Variants in MAGI2 observed in about 807,000 individuals in gnomAD.
MAGI2 encodes membrane associated guanylate kinase, WW and PDZ domain containing 2, also known as membrane-associated guanylate kinase, WW and PDZ domain-containing protein 2.
Under a neutral mutation model 133.3 loss-of-function variants are expected in MAGI2, and 35 were observed. The ratio of observed to expected loss-of-function variants is 0.26; its 90% confidence interval spans 0.20 to 0.35. The LOEUF is 0.35. MAGI2 is among the 10% of genes least tolerant of loss of function. MAGI2 has a pLI of 1.00. For synonymous variants in MAGI2, 729 were observed against 710.6 expected, an observed-to-expected ratio of 1.03 and a Z score of -0.41; for missense variants, 1,636 against 1,863.4, an observed-to-expected ratio of 0.88 and a Z score of 2.25.
chr7:79,169,301 G>GA (rs1240229711), intron 1 of MAGI2, among the ~76,000 whole-genome samples: 1 of 151,888 alleles, frequency 6.6e-6, no homozygotes, highest in Admixed American at 6.6e-5. Flanking sequence ...AATAGAATTA[G>GA]AAAAAAATCA....
chr7:79,207,432 G>A (rs1829146874), intron 1 of MAGI2, among the ~76,000 whole-genome samples: 1 of 151,836 alleles, frequency 6.6e-6, no homozygotes, highest in Non-Finnish European at 1.5e-5. Flanking sequence ...ACAGTGAACT[G>A]TCTGCAGAAG....
chr7:78,843,186 G>GACA (rs1792293020), intron 2 of MAGI2, among the ~76,000 whole-genome samples: 1 of 151,836 alleles, frequency 6.6e-6, no homozygotes, highest in African/African-American at 2.4e-5. Flanking sequence ...AGGCCCCCAA[G>GACA]TTGTGACAAC....
At chr7:79,266,023 T>C (rs1345226737) in intron 1 of MAGI2, among the ~76,000 whole-genome samples, 1 of 152,052 alleles carries the variant, frequency 6.6e-6, no homozygotes, top group African/African-American at 2.4e-5. Context: ...TGATTTTTTC[T>C]GCAAATTTAT....
At chr7:78,208,186 G>C (rs1343943378) in intron 10 of MAGI2, among the ~76,000 whole-genome samples, 1 of 133,190 alleles carries the variant, frequency 7.5e-6, no homozygotes, top group Non-Finnish European at 1.6e-5. Context: ...TCTCTGCAAT[G>C]CTTTAAAAAC....
chr7:79,253,547 G>A (rs1198246718), intron 1 of MAGI2, among the ~76,000 whole-genome samples: 1 of 152,020 alleles, frequency 6.6e-6, no homozygotes, highest in Non-Finnish European at 1.5e-5. Flanking sequence ...GGAGGCTGAG[G>A]CACGAGAATT....
intron 21 of MAGI2, among the ~76,000 whole-genome samples, chr7:78,034,351 G>A (rs900006494): frequency 6.6e-6 from 1 of 152,078 alleles, no homozygotes; most frequent in African/African-American, 2.4e-5. Context: ...GCCTCCCTGA[G>A]GAAATGGTCA....
chr7:79,086,862 G>A (rs1816546914), intron 1 of MAGI2, among the ~76,000 whole-genome samples: 1 of 151,796 alleles, frequency 6.6e-6, no homozygotes, highest in African/African-American at 2.4e-5. Context: ...TGCTAGATAA[G>A]GGGAAGGGTG....
chr7:79,409,326 T>C (rs1846003928), intron 1 of MAGI2, among the ~76,000 whole-genome samples: 1 of 152,062 alleles, frequency 6.6e-6, no homozygotes, highest in Non-Finnish European at 1.5e-5. Context: ...TGTCTCACAA[T>C]GTTGCCCAGG....
intron 1 of MAGI2, among the ~76,000 whole-genome samples, chr7:79,009,532 C>A (rs1471226603): frequency 6.6e-6 from 1 of 152,074 alleles, no homozygotes; most frequent in African/African-American, 2.4e-5. Flanking sequence ...TTTTATTAAT[C>A]CAGTATTCTT....
intron 2 of MAGI2, among the ~76,000 whole-genome samples, chr7:78,952,069 C>T (rs1801917100): frequency 6.6e-6 from 1 of 152,128 alleles, no homozygotes; most frequent in Non-Finnish European, 1.5e-5. Flanking sequence ...CTGGCATTTC[C>T]ATTTCTAAAA....
chr7:78,822,326 G>C (rs1790198107), intron 2 of MAGI2, among the ~76,000 whole-genome samples: 3 of 152,094 alleles, frequency 2.0e-5, no homozygotes, highest in South Asian at 4.1e-4. Context: ...TCTTCTATTG[G>C]TATCTTTCAA....
chr7:79,126,770 T>A (rs529534416), intron 1 of MAGI2, among the ~76,000 whole-genome samples: 2 of 151,862 alleles, frequency 1.3e-5, no homozygotes, highest in African/African-American at 4.8e-5. Context: ...CCAGACTTTT[T>A]TTTAAAAAAT....
At chr7:78,821,467 T>C (rs1299968866) in intron 2 of MAGI2, among the ~76,000 whole-genome samples, 1 of 151,934 alleles carries the variant, frequency 6.6e-6, no homozygotes, top group Non-Finnish European at 1.5e-5. Context: ...ATTTTAGAAA[T>C]GGAGTAAATG....
At chr7:78,693,298 A>AT (rs1817161705) in intron 2 of MAGI2, among the ~76,000 whole-genome samples, 1 of 152,148 alleles carries the variant, frequency 6.6e-6, no homozygotes, top group Non-Finnish European at 1.5e-5. Flanking sequence ...GGCATTTACT[A>AT]TTAGTATTGG....
At chr7:78,119,557 CAAAAAAAAAAA>C (rs1166809821) in intron 20 of MAGI2, among the ~76,000 whole-genome samples, 3 of 48,916 alleles carry the variant, frequency 6.1e-5, no homozygotes, top group African/African-American at 1.5e-4. Context: ...TGAGACTCCT[CAAAAAAAAAAA>C]AAAAAAAAAA....
chr7:78,574,013 G>A (rs1250608805), intron 3 of MAGI2, among the ~76,000 whole-genome samples: 1 of 152,156 alleles, frequency 6.6e-6, no homozygotes, highest in African/African-American at 2.4e-5. Context: ...TTTCTCCATT[G>A]ATATTTCTCC....
chr7:78,793,902 T>A (rs924889180), intron 2 of MAGI2, among the ~76,000 whole-genome samples: 1 of 152,174 alleles, frequency 6.6e-6, no homozygotes, highest in Non-Finnish European at 1.5e-5. Context: ...TCCATGAAGA[T>A]CTCTTGGGGA....
intron 1 of MAGI2, among the ~76,000 whole-genome samples, chr7:79,035,024 T>C (rs1459078496): frequency 2.0e-5 from 3 of 152,174 alleles, no homozygotes; most frequent in Non-Finnish European, 4.4e-5. Context: ...AGTTCTGCAA[T>C]TGCTCCTACT....
intron 1 of MAGI2, among the ~76,000 whole-genome samples, chr7:79,028,370 CAT>C (rs1810234653): frequency 6.9e-6 from 1 of 145,406 alleles, no homozygotes; most frequent in African/African-American, 2.5e-5. Context: ...CACACACACA[CAT>C]GCATACGCAT....
Sources: allele counts gnomAD v4.1 joint callset (sites outside exome capture counted in the v4.1 genomes callset), GRCh38; gene constraint gnomAD v4.1.1; transcripts MANE v1.5; gene names NCBI Gene and HGNC (gene_info 2026-07-23, HGNC 2026-07-21).